The following FBXW11 variants were observed in gnomAD, a reference collection of about 807,000 sequenced individuals.
FBXW11 encodes the protein F-box and WD repeat domain containing 11, also known as F-box/WD repeat-containing protein 11.
FBXW11 carries 19 observed loss-of-function variants against 77.6 expected under a neutral mutation model. That is an observed-to-expected ratio of 0.24 (90% CI 0.17 to 0.36). The LOEUF (loss-of-function observed/expected upper bound fraction) is 0.36. FBXW11 is among the 10% of genes least tolerant of loss of function. FBXW11 has a pLI of 1.00. For missense variants in FBXW11, 334 were observed against 704.2 expected (o/e 0.47, Z 5.95); for synonymous variants, 235 against 249.4 (o/e 0.94, Z 0.54).
At chr5:171,928,882 G>A (rs940072577) in intron 2 of FBXW11, among the ~76,000 whole-genome samples, 3 of 152,042 alleles carry the variant, frequency 2.0e-5, no homozygotes, top group African/African-American at 7.2e-5. Context: ...AGACCAGCCT[G>A]GCCAATGCAG....
At chr5:171,947,557 A>G (rs1370470493) in intron 2 of FBXW11, among the ~76,000 whole-genome samples, 41 of 152,002 alleles carry the variant, frequency 2.7e-4, no homozygotes, top group Non-Finnish European at 5.9e-5. Flanking sequence ...AAAAAAAACA[A>G]GGTCCACTTC....
chr5:171,878,617 T>TAAGAGAGAGAGA (rs1758294399), intron 7 of FBXW11, among the ~76,000 whole-genome samples: 3 of 149,410 alleles, frequency 2.0e-5, no homozygotes, highest in Non-Finnish European at 1.5e-5. Context: ...TGTGTGTGTG[T>TAAGAGAGAGAGA]GTGTGTGTGT....
At chr5:171,907,754 C>T (rs185454687) in intron 4 of FBXW11, among the ~76,000 whole-genome samples, 21 of 152,270 alleles carry the variant, frequency 1.4e-4, no homozygotes, top group East Asian at 5.8e-4. Context: ...CCTTAACATT[C>T]GCTGTAATGA....
intron 1 of FBXW11, among the ~76,000 whole-genome samples, chr5:171,981,356 A>C (rs938599593): frequency 1.3e-5 from 2 of 152,182 alleles, no homozygotes; most frequent in African/African-American, 4.8e-5. Flanking sequence ...AATGTAAGTA[A>C]AGTATTTCCC....
At chr5:171,895,590 T>C (rs758954371) in intron 6 of FBXW11, among the ~76,000 whole-genome samples, 5 of 152,130 alleles carry the variant, frequency 3.3e-5, no homozygotes, top group Non-Finnish European at 4.4e-5. Flanking sequence ...TTGAAGGAGT[T>C]TGTCACTACT....
intron 2 of FBXW11, among the ~76,000 whole-genome samples, chr5:171,933,684 C>G (rs1016619438): frequency 6.6e-6 from 1 of 152,142 alleles, no homozygotes; most frequent in Non-Finnish European, 1.5e-5. Flanking sequence ...GGATACAAAG[C>G]CTTTCCTCCC....
intron 2 of FBXW11, among the ~76,000 whole-genome samples, chr5:171,936,378 TG>T (rs1762484022): frequency 6.7e-6 from 1 of 150,014 alleles, no homozygotes; most frequent in Admixed American, 6.7e-5. Flanking sequence ...GTAGTCCCAG[TG>T]ACTTGGTAGG....
At position 171,957,664 on chromosome 5, in the gene FBXW11, G is replaced by A; in HGVS notation, c.80C>T (p.Ala27Val). The A allele has an allele frequency of 1.2e-6, 2 of 1,614,128 alleles. No homozygotes were observed. The highest frequency in any genetic ancestry group is 1.7e-6 in the Non-Finnish European group (2 of 1,179,988). Residue 27 changes from alanine (A) to valine (V), a missense_variant, in exon 2 of 14, where the codon GCC becomes GTC. Ala to Val is a moderately conservative substitution (Grantham distance 64). Transcript: ENST00000517395. Reference sequence around the variant, plus strand: ...TGCGCACATGCTCTCTACCAGGTTGGCGCAGCCTAGCCACAAAGACCTTGG... The same window carrying A: ...TGCGCACATGCTCTCTACCAGGTTGACGCAGCCTAGCCACAAAGACCTTGG... Reference protein sequence around the residue: ...SVPRSLWLGCANLVESMCALS... With the variant: ...SVPRSLWLGCVNLVESMCALS...
chr5:171,880,685 G>A (rs1561642430), intron 7 of FBXW11, among the ~76,000 whole-genome samples: 1 of 152,106 alleles, frequency 6.6e-6, no homozygotes, highest in Non-Finnish European at 1.5e-5. Context: ...TGGTGGGGGA[G>A]GTGCTAATAT....
chr5:171,978,606 C>T (rs995989577), intron 1 of FBXW11, among the ~76,000 whole-genome samples: 1 of 152,154 alleles, frequency 6.6e-6, no homozygotes, highest in Non-Finnish European at 1.5e-5. Flanking sequence ...CCAGAGTCTA[C>T]GCAGAGAAGG....
chr5:171,936,387 A>G (rs1762484263), intron 2 of FBXW11, among the ~76,000 whole-genome samples: 1 of 150,282 alleles, frequency 6.7e-6, no homozygotes, highest in African/African-American at 2.4e-5. Flanking sequence ...GTGACTTGGT[A>G]GGCTGAGGCG....
At chr5:171,894,258 G>A (rs1759589027) in intron 6 of FBXW11, among the ~76,000 whole-genome samples, 1 of 152,168 alleles carries the variant, frequency 6.6e-6, no homozygotes, top group African/African-American at 2.4e-5. Context: ...TAGGGAACAG[G>A]ACCTCTCAAA....
intron 7 of FBXW11, among the ~76,000 whole-genome samples, chr5:171,886,621 GA>G (rs982289441): frequency 6.6e-6 from 1 of 151,644 alleles, no homozygotes. Context: ...TATATTGATA[GA>G]AAAAAAGAAA....
intron 13 of FBXW11, chr5:171,868,103 G>A (rs545262401): frequency 6.6e-6 from 1 of 152,322 alleles, no homozygotes; most frequent in South Asian, 2.1e-4. Context: ...CATGGAAGCA[G>A]AATAGGTTTT....
intron 1 of FBXW11, among the ~76,000 whole-genome samples, chr5:171,978,778 A>G (rs142224903): frequency 8.9e-4 from 135 of 152,190 alleles, no homozygotes; most frequent in African/African-American, 3.0e-3. Context: ...CTTCCGCTAC[A>G]CTCCCCCATG....
At chr5:171,944,759 A>G (rs537732027) in intron 2 of FBXW11, among the ~76,000 whole-genome samples, 1 of 152,282 alleles carries the variant, frequency 6.6e-6, no homozygotes, top group East Asian at 1.9e-4. Context: ...TGATTTGAAG[A>G]CTTTCAAATC....
At chr5:171,923,042 G>C (rs1761687112) in intron 2 of FBXW11, among the ~76,000 whole-genome samples, 1 of 151,994 alleles carries the variant, frequency 6.6e-6, no homozygotes, top group South Asian at 2.1e-4. Context: ...AGCCTCCCAT[G>C]TAGCTGGGAC....
At chr5:171,922,511 TCAAA>T (rs1761652798) in intron 2 of FBXW11, among the ~76,000 whole-genome samples, 1 of 152,158 alleles carries the variant, frequency 6.6e-6, no homozygotes, top group African/African-American at 2.4e-5. Context: ...TTCCTATCTC[TCAAA>T]CAAACAAGGC....
At chr5:171,950,993 TAAAG>T (rs1182865398) in intron 2 of FBXW11, among the ~76,000 whole-genome samples, 1 of 152,058 alleles carries the variant, frequency 6.6e-6, no homozygotes, top group Non-Finnish European at 1.5e-5. Context: ...TATACAATGA[TAAAG>T]AACAAAATGT....
Sources: allele counts gnomAD v4.1 joint callset (sites outside exome capture counted in the v4.1 genomes callset), GRCh38; gene constraint gnomAD v4.1.1; transcripts MANE v1.5; gene names NCBI Gene and HGNC (gene_info 2026-07-23, HGNC 2026-07-21).